The following APOOL variants were observed in gnomAD, a reference collection of about 807,000 sequenced individuals.
APOOL encodes the protein MICOS complex subunit MIC27.
A neutral mutation model predicts 23.1 loss-of-function variants in APOOL; 12 were observed. The ratio of observed to expected loss-of-function variants is 0.52; its 90% confidence interval spans 0.33 to 0.84. APOOL has a LOEUF of 0.84. Among genes scored for constraint, APOOL ranks in the 40% least tolerant of loss-of-function variants. The pLI is 0.02. For synonymous variants in APOOL, 77 were observed against 69.9 expected, an observed-to-expected ratio of 1.10 and a Z score of -0.51; for missense variants, 212 against 199.6, an observed-to-expected ratio of 1.06 and a Z score of -0.37.
chrX:85,073,660 T>G (rs1000864841), intron 6 of APOOL, among the ~76,000 whole-genome samples: 1 of 111,081 alleles, frequency 9.0e-6, no homozygotes, highest in Non-Finnish European at 1.9e-5. Context: ...CAGTTTTCAC[T>G]TATATCAAAT....
Position 85,091,647 on chromosome X carries a change from G to A in APOOL, c.*3969G>A, listed in dbSNP as rs1924519752. On this transcript the variant is annotated 3_prime_UTR_variant, in exon 9 of 9. Transcript: ENST00000373173. ...GAGAGAAACATAGAAATATAGTGTT[G>A]TATGTGGTATCTTCCCTAAGATAAG... The A allele has an allele frequency of 9.0e-6, 1 of 111,701 alleles. No individual in the cohort carries two copies. Among genetic ancestry groups the A allele is most frequent in the African/African-American group, 3.3e-5 (1 of 30,742 alleles). 9.2% of individuals were successfully genotyped at this position (111,701 alleles called of 1,213,427 possible).
chrX:85,004,007 T>A, intron 1 of APOOL, 80 bp downstream of exon 1: 1 of 1,133,127 alleles, frequency 8.8e-7, no homozygotes, highest in Non-Finnish European at 1.2e-6. Context: ...TACTAACTTC[T>A]GAAGGAGCCC....
intron 1 of APOOL, among the ~76,000 whole-genome samples, chrX:85,015,819 C>T (rs780440467): frequency 1.8e-5 from 2 of 111,393 alleles, no homozygotes; most frequent in African/African-American, 6.5e-5. Flanking sequence ...CCACCCGCCT[C>T]GGCCTCCCAA....
chrX:85,053,567 G>A (rs892472053), intron 3 of APOOL, among the ~76,000 whole-genome samples: 3 of 111,429 alleles, frequency 2.7e-5, no homozygotes, highest in Non-Finnish European at 3.8e-5. Context: ...GAGAAGGATT[G>A]TGTTTTCTGG....
Position 85,055,923 on chromosome X carries a change from A to G in APOOL, c.392A>G (p.Lys131Arg). 8.5e-7 allele frequency: 1 copy of G among 1,177,735 alleles called. No individual in the cohort carries two copies. Residue 131 changes from lysine to arginine, a missense_variant and splice_region_variant, in exon 5 of 9, where the codon AAA becomes AGA. By Grantham distance (26) the Lys-to-Arg change is conservative (BLOSUM62 2). Transcript: ENST00000373173. ...SGLAGLVSAR[K>R]GSKFKKITYP... is the part of the protein sequence containing the mutation. The stretch of plus-strand genomic sequence containing the variant: ...TTGGCGGGCTTGGTTTCAGCGAGAA[A>G]AGGTAGGGTTTTAAAAAATATATTC...
Position 85,003,944 on chromosome X carries a change from T to C in APOOL, c.15+17T>C. The C allele has an allele frequency of 8.3e-7, 1 of 1,211,244 alleles. No homozygotes were observed. The highest frequency in any genetic ancestry group is 1.1e-6 in the Non-Finnish European group (1 of 895,089). Reference sequence around the variant, plus strand: ...GCCATCAGGGTAAGCGAAAACCAACTTGCTTAATTTCTGTGGGTGCCGATA... The same window carrying C: ...GCCATCAGGGTAAGCGAAAACCAACCTGCTTAATTTCTGTGGGTGCCGATA... On this transcript the variant is annotated intron_variant, in intron 1 of 8. Coordinates refer to ENST00000373173, the MANE Select transcript of APOOL (RefSeq NM_198450.6).
At chrX:85,077,250 C>T (rs774041320) in intron 8 of APOOL, among the ~76,000 whole-genome samples, 1 of 106,904 alleles carries the variant, frequency 9.4e-6, no homozygotes, top group East Asian at 3.0e-4. Context: ...AATGCTATCC[C>T]TCCTCCTGCC....
In APOOL at chrX:85,091,720, A is replaced by G. The variant is rs1924521490; in HGVS notation, c.*4042A>G. 8.9e-6 allele frequency: 1 copy of G among 111,850 alleles called. No individual in the cohort carries two copies. The highest frequency in any genetic ancestry group is 3.7e-4 in the South Asian group (1 of 2,681). The allele number at this position is 111,850 out of a possible 1,213,427, so 9.2% of individuals were successfully genotyped here. A position where few individuals can be genotyped will look rare whatever the true frequency, so the allele number is the denominator to read the frequency against. ...TTCAGAGATAGAATGTAGTACTGGG[A>G]TGATGTCAAGGAGGCAGTGGTACTT... is the stretch of plus-strand genomic sequence containing the variant. On this transcript the variant is annotated 3_prime_UTR_variant, in exon 9 of 9. Coordinates refer to ENST00000373173, the MANE Select transcript of APOOL (RefSeq NM_198450.6).
chrX:85,089,740 G>C lies in APOOL; in HGVS notation c.*2062G>C, dbSNP rs2147674336. On this transcript the variant is annotated 3_prime_UTR_variant, in exon 9 of 9. Transcript: ENST00000373173. ...ATCCCATAGATATGCCAATGTCAAT[G>C]TGCCTAAAACAAAATTGTCTCTACC... 9.1e-6 allele frequency: 1 copy of C among 110,457 alleles called. No homozygotes were observed. The highest frequency in any genetic ancestry group is 3.9e-4 in the South Asian group (1 of 2,575). The allele number at this position is 110,457 out of a possible 1,213,427, so 9.1% of individuals were successfully genotyped here. A position where few individuals can be genotyped will look rare whatever the true frequency, so the allele number is the denominator to read the frequency against.
chrX:85,036,895 A>G (rs976159121), intron 1 of APOOL, among the ~76,000 whole-genome samples: 2 of 110,075 alleles, frequency 1.8e-5, no homozygotes. Flanking sequence ...TATTGTTATT[A>G]TGTCTTGCAT....
chrX:85,058,021 G>A (rs1330013036), intron 5 of APOOL, among the ~76,000 whole-genome samples: 2 of 110,708 alleles, frequency 1.8e-5, no homozygotes, highest in Admixed American at 1.9e-4. Flanking sequence ...CCTATTAGTA[G>A]GTAGTGACAT....
chrX:85,091,498 G>A lies in APOOL; in HGVS notation c.*3820G>A. 1.8e-5 allele frequency: 2 copies of A among 112,035 alleles called. No homozygotes were observed. The highest frequency in any genetic ancestry group is 7.4e-4 in the South Asian group (2 of 2,690). The allele number at this position is 112,035 out of a possible 1,213,427, so 9.2% of individuals were successfully genotyped here. On this transcript the variant is annotated 3_prime_UTR_variant, in exon 9 of 9. Transcript: ENST00000373173. ...TTGTGGATATCACTGAATAATTTTT[G>A]TGTAGTTTCTATGCCCATGAAGTGC...
intron 1 of APOOL, among the ~76,000 whole-genome samples, chrX:85,028,863 A>G (rs1176781738): frequency 9.0e-6 from 1 of 111,487 alleles, no homozygotes; most frequent in Non-Finnish European, 1.9e-5. Context: ...AAAATACTGG[A>G]TCTCACACTT....
chrX:85,077,035 A>G (rs1186676340), intron 8 of APOOL, among the ~76,000 whole-genome samples: 4 of 94,152 alleles, frequency 4.2e-5, no homozygotes, highest in African/African-American at 1.2e-4. Context: ...ATATGTATGT[A>G]TATATATACG....
chrX:85,060,486 T>C (rs1311638501), intron 5 of APOOL, among the ~76,000 whole-genome samples: 3 of 109,006 alleles, frequency 2.8e-5, no homozygotes, highest in Non-Finnish European at 1.9e-5. Context: ...GCCATTTTCA[T>C]GATATTGACT....
intron 8 of APOOL, among the ~76,000 whole-genome samples, chrX:85,081,377 G>C (rs900832462): frequency 9.0e-6 from 1 of 111,009 alleles, no homozygotes; most frequent in Non-Finnish European, 1.9e-5. Flanking sequence ...TGAAATTCTG[G>C]GTTGGAAATT....
chrX:85,012,669 T>C (rs1390408860), intron 1 of APOOL, among the ~76,000 whole-genome samples: 1 of 112,166 alleles, frequency 8.9e-6, no homozygotes, highest in Non-Finnish European at 1.9e-5. Context: ...GACCTGTGTA[T>C]GTTAAACCAT....
intron 8 of APOOL, among the ~76,000 whole-genome samples, chrX:85,087,016 A>G (rs28448469): frequency 0.06 from 6,627 of 111,011 alleles, 462 homozygotes; most frequent in African/African-American, 0.2. Context: ...CTTTTTAAAA[A>G]CATAGCATCA....
chrX:85,060,552 C>T (rs1923170420), intron 5 of APOOL, among the ~76,000 whole-genome samples: 1 of 110,412 alleles, frequency 9.1e-6, no homozygotes, highest in African/African-American at 3.3e-5. Context: ...TCTTTTATTT[C>T]ATTGAGCAGT....
Sources: allele counts gnomAD v4.1 joint callset (sites outside exome capture counted in the v4.1 genomes callset), GRCh38; gene constraint gnomAD v4.1.1; transcripts MANE v1.5; gene names NCBI Gene and HGNC (gene_info 2026-07-23, HGNC 2026-07-21).